The following SMC4 variants were observed in gnomAD, a reference collection of about 807,000 sequenced individuals.
SMC4 encodes structural maintenance of chromosomes protein 4.
Under a neutral mutation model 145.6 loss-of-function variants are expected in SMC4, and 87 were observed. The ratio of observed to expected loss-of-function variants is 0.60; its 90% CI spans 0.50 to 0.71. The LOEUF is 0.71. Among genes scored for constraint, SMC4 ranks in the 30% least tolerant of loss-of-function variants. SMC4 has a pLI of 0.00. For missense variants in SMC4, 1,447 were observed against 1,537.1 expected, an observed-to-expected ratio of 0.94 and a Z score of 0.98; for synonymous variants, 558 against 500.7, an observed-to-expected ratio of 1.11 and a Z score of -1.53.
intron 3 of SMC4, among the ~76,000 whole-genome samples, 185 bp from the exon 4 acceptor site, chr3:160,402,491 A>C (rs1436494929): frequency 2.0e-5 from 3 of 152,230 alleles, no homozygotes; most frequent in African/African-American, 7.2e-5. Flanking sequence ...TGAATGTTGA[A>C]GCTTTTAAGA....
rs1716142018 is a variant in SMC4 at position 160,412,705 on chromosome 3, A to G, written c.980+252A>G. On this transcript the variant is annotated intron_variant, in intron 7 of 23. Transcript: ENST00000357388. ...AGCAAGACCCCATCTCTACAAAAAA[A>G]GGAATTATGTGGTGAACTTATCCAA... 4 of 779,922 alleles carry G rather than the reference A, an allele frequency of 5.1e-6. No individual in the cohort carries two copies. The African/African-American group carries it at 5.7e-5, about 11-fold the overall frequency. The allele number at this position is 779,922 out of a possible 1,614,324, so 48.3% of individuals were successfully genotyped here.
At chr3:160,410,776 T>G (rs1279750406) in intron 5 of SMC4, among the ~76,000 whole-genome samples, 1 of 152,210 alleles carries the variant, frequency 6.6e-6, no homozygotes, top group Non-Finnish European at 1.5e-5. Context: ...GATGCTCTCA[T>G]TAGTAAGTTT....
In SMC4 at chr3:160,434,014, T is replaced by C. The variant is rs1718719610; in HGVS notation, c.*205T>C. The C allele has an allele frequency of 5.1e-6, 2 of 395,082 alleles. No homozygotes were observed. Among genetic ancestry groups the C allele is most frequent in the East Asian group, 5.0e-5 (1 of 20,010 alleles). 24.5% of individuals were successfully genotyped at this position (395,082 alleles called of 1,614,324 possible). The stretch of plus-strand genomic sequence containing the variant: ...TACAAAAATATGACAATCTTGTAAG[T>C]AGCAGACTATGGAGAAAAATGAGTT... On this transcript the variant is annotated 3_prime_UTR_variant, in exon 24 of 24. Transcript: ENST00000357388.
intron 5 of SMC4, among the ~76,000 whole-genome samples, chr3:160,409,265 CAAAAAAA>C (rs10547167): frequency 6.5e-4 from 40 of 61,972 alleles, no homozygotes; most frequent in East Asian, 3.5e-3. Flanking sequence ...AACTCCGTCT[CAAAAAAA>C]AAAAAAAAAA....
intron 15 of SMC4, 101 bp from the exon 16 acceptor site, chr3:160,424,766 C>T (rs41272957): frequency 0.19 from 254,766 of 1,311,696 alleles, 26,820 homozygotes; most frequent in Non-Finnish European, 0.22. Context: ...GCTGAGACCG[C>T]GCCATTGCAC....
At chr3:160,424,108 TTC>T (rs1717505009) in intron 15 of SMC4, among the ~76,000 whole-genome samples, 2 of 152,214 alleles carry the variant, frequency 1.3e-5, no homozygotes, top group Non-Finnish European at 1.5e-5. Context: ...ACATAATTAT[TTC>T]TGTTTTACAT....
At chr3:160,432,565 A>G (rs1718526492) in intron 22 of SMC4, 50 bp downstream of exon 22, 1 of 1,173,362 alleles carries the variant, frequency 8.5e-7, no homozygotes, top group Admixed American at 2.7e-5. Flanking sequence ...TTTTCTACAT[A>G]TTCTCCAAAC....
intron 5 of SMC4, among the ~76,000 whole-genome samples, chr3:160,409,496 C>G (rs1377058227): frequency 6.6e-6 from 1 of 152,088 alleles, no homozygotes; most frequent in Non-Finnish European, 1.5e-5. Flanking sequence ...TGTACTCTAT[C>G]TCTTCAGTAA....
intron 19 of SMC4, 58 bp downstream of exon 19, chr3:160,430,801 G>C (rs1698696136): frequency 6.5e-7 from 1 of 1,549,336 alleles, no homozygotes; most frequent in Non-Finnish European, 8.7e-7. Context: ...AATTTAAAGA[G>C]CTGGATATAT....
chr3:160,418,663 G>A (rs1421061688), intron 11 of SMC4, among the ~76,000 whole-genome samples: 1 of 152,178 alleles, frequency 6.6e-6, no homozygotes, highest in Non-Finnish European at 1.5e-5. Flanking sequence ...CTGGGATTCG[G>A]TTTCTTTTGG....
intron 5 of SMC4, among the ~76,000 whole-genome samples, chr3:160,410,152 C>G (rs1002749495): frequency 1.3e-5 from 2 of 152,166 alleles, no homozygotes; most frequent in Non-Finnish European, 2.9e-5. Context: ...AATTCTGCCC[C>G]TTTTCCCATA....
At chr3:160,419,307 G>A (rs2108482098) in intron 11 of SMC4, 51 bp from the exon 12 acceptor site, 1 of 1,218,198 alleles carries the variant, frequency 8.2e-7, no homozygotes, top group East Asian at 2.4e-5. Context: ...GCTATGACTG[G>A]TCATATTTAG....
At position 160,412,928 on chromosome 3, in the gene SMC4, A is replaced by AT. The variant is rs574014035; in HGVS notation, c.980+482dup. ...TAAAATTCGTGTAATAGCAGATCTG[A>AT]TTTTTTTCAGCTTATGATGAACTGT... On this transcript the variant is annotated intron_variant, in intron 7 of 23. Coordinates refer to ENST00000357388, the MANE Select transcript of SMC4 (RefSeq NM_001002800.3). The AT allele has an allele frequency of 3.4e-3, 1,518 of 452,498 alleles. 7 individuals are homozygous for AT. The highest frequency in any genetic ancestry group is 4.0e-3 in the Non-Finnish European group (1,365 of 341,854). The allele number at this position is 452,498 out of a possible 1,614,324, so 28.0% of individuals were successfully genotyped here. A position where few individuals can be genotyped will look rare whatever the true frequency, so the allele number is the denominator to read the frequency against.
chr3:160,416,574 T>G (rs1230769107), intron 10 of SMC4, 159 bp downstream of exon 10: 1 of 423,118 alleles, frequency 2.4e-6, no homozygotes, highest in Non-Finnish European at 4.2e-6. Context: ...TGACTATTCT[T>G]TTAATTCCTG....
chr3:160,414,389 T>G lies in SMC4; in HGVS notation c.1144T>G (p.Phe382Val), dbSNP rs1716371910. Residue 382 changes from phenylalanine to valine, a missense_variant, in exon 9 of 24, where the codon TTT becomes GTT. Physicochemically the swap from Phe to Val is conservative, Grantham distance 50. Transcript: ENST00000357388. ...TEKKLNKITK[F>V]IEENKEKFTQ... Reference sequence around the variant, plus strand: ...TAGGAAACTGAATAAAATTACAAAATTTATTGAGGAGAATAAAGAAAAATT... The same window carrying G: ...TAGGAAACTGAATAAAATTACAAAAGTTATTGAGGAGAATAAAGAAAAATT... 3 of 1,602,916 alleles carry G rather than the reference T, an allele frequency of 1.9e-6. No homozygotes were observed. The East Asian group carries it at 6.7e-5, about 36-fold the overall frequency.
At chr3:160,424,259 A>G (rs1279187786) in intron 15 of SMC4, among the ~76,000 whole-genome samples, 1 of 152,202 alleles carries the variant, frequency 6.6e-6, no homozygotes, top group South Asian at 2.1e-4. Flanking sequence ...CCTCAAAAAC[A>G]TGTTCTGAAA....
intron 13 of SMC4, 123 bp from the exon 14 acceptor site, chr3:160,423,302 C>A (rs1717379309): frequency 4.1e-6 from 3 of 725,958 alleles, no homozygotes; most frequent in Non-Finnish European, 6.6e-6. Context: ...AATTTTAGAA[C>A]CTTTTGTGTA....
At chr3:160,424,454 T>G (rs1440518041) in intron 15 of SMC4, among the ~76,000 whole-genome samples, 1 of 152,156 alleles carries the variant, frequency 6.6e-6, no homozygotes. Context: ...TACTTGACCA[T>G]CTCCTGAACT....
intron 5 of SMC4, among the ~76,000 whole-genome samples, chr3:160,405,926 T>C (rs1383386015): frequency 1.3e-5 from 2 of 152,022 alleles, no homozygotes; most frequent in South Asian, 2.1e-4. Context: ...TTTTGCTTAA[T>C]CTTTTACCGT....
Sources: allele counts gnomAD v4.1 joint callset (sites outside exome capture counted in the v4.1 genomes callset), GRCh38; gene constraint gnomAD v4.1.1; transcripts MANE v1.5; gene names NCBI Gene and HGNC (gene_info 2026-07-23, HGNC 2026-07-21).